The following KCNJ6 variants were observed in gnomAD, a reference collection of about 807,000 sequenced individuals.
The protein encoded by KCNJ6 is G protein-activated inward rectifier potassium channel 2.
A neutral mutation model predicts 34.2 loss-of-function variants in KCNJ6; 9 were observed. The ratio of observed to expected loss-of-function variants is 0.26; its 90% CI spans 0.16 to 0.46. The LOEUF (loss-of-function observed/expected upper bound fraction) is 0.46. Ranked by LOEUF, KCNJ6 falls within the 20% of genes least tolerant of loss-of-function variation. The pLI, the probability that KCNJ6 is intolerant of heterozygous loss-of-function variation, is 1.00. For synonymous variants in KCNJ6, 196 were observed against 207.1 expected (o/e 0.95, Z 0.46); for missense variants, 236 against 531.3 (o/e 0.44, Z 5.46).
intron 1 of KCNJ6, among the ~76,000 whole-genome samples, chr21:37,864,727 A>G (rs1279192925): frequency 6.6e-6 from 1 of 152,192 alleles, no homozygotes; most frequent in Non-Finnish European, 1.5e-5. Flanking sequence ...TAGCAAACTT[A>G]TGCCTTTCCA....
chr21:37,756,927 A>T (rs1448386729), intron 2 of KCNJ6, among the ~76,000 whole-genome samples: 3 of 54,588 alleles, frequency 5.5e-5, no homozygotes, highest in Admixed American at 2.4e-4. Context: ...TGGAGTGAGC[A>T]CTCCCTCACA....
At chr21:37,649,920 ATTTTTTT>A (rs10597774) in intron 3 of KCNJ6, among the ~76,000 whole-genome samples, 1 of 143,916 alleles carries the variant, frequency 6.9e-6, no homozygotes, top group African/African-American at 2.6e-5. Context: ...CACCCAGCTA[ATTTTTTT>A]TTTTTTTTTG....
chr21:37,869,511 C>G (rs528601286), intron 1 of KCNJ6, among the ~76,000 whole-genome samples: 31 of 152,310 alleles, frequency 2.0e-4, no homozygotes, highest in Non-Finnish European at 3.4e-4. Context: ...ACATTTGCCT[C>G]GGGCTTTTAC....
intron 1 of KCNJ6, among the ~76,000 whole-genome samples, chr21:37,913,297 T>C (rs924931735): frequency 2.0e-5 from 3 of 152,206 alleles, no homozygotes; most frequent in African/African-American, 7.2e-5. Context: ...TGCAGTTTCT[T>C]CCTTGTTTGT....
rs2054270426 is a variant in KCNJ6, at chr21:37,616,985, CTCTTTCTTTCTTTCTCTTTCTTTTCTCTT to C, written c.*8145_*8173del. 1 of 146,166 alleles carries C rather than the reference CTCTTTCTTTCTTTCTCTTTCTTTTCTCTT, an allele frequency of 6.8e-6. No individual in the cohort carries two copies. The allele number at this position is 146,166 out of a possible 1,614,324, so 9.1% of individuals were successfully genotyped here. A position where few individuals can be genotyped will look rare whatever the true frequency, so the allele number is the denominator to read the frequency against. On this transcript the variant is annotated 3_prime_UTR_variant, in exon 4 of 4. Coordinates refer to ENST00000609713, the MANE Select transcript of KCNJ6 (RefSeq NM_002240.5). ...GAGGTGGGGATGTGCGATTTCTTTTCTCTTTCTTTCTTTCTCTTTCTTTTCTCTTTCTTTCTTTCTTTCTTTCTTTCTTT... is the reference window on the plus strand; with the variant it reads ...GAGGTGGGGATGTGCGATTTCTTTTCTCTTTCTTTCTTTCTTTCTTTCTTT...
intron 1 of KCNJ6, among the ~76,000 whole-genome samples, chr21:37,885,516 C>T (rs542943204): frequency 1.5e-4 from 23 of 152,340 alleles, no homozygotes; most frequent in African/African-American, 5.3e-4. Context: ...GACCTGAGCA[C>T]TTCAAAGTGA....
rs2054454157 is a variant in KCNJ6 at position 37,655,214 on chromosome 21, TGTGTGTGTGTGAGA to T, written c.947-29744_947-29731del. Among the ~76,000 whole-genome samples, 206 of 72,398 alleles carry T rather than the reference TGTGTGTGTGTGAGA, an allele frequency of 2.8e-3. 3 individuals carry two copies. The highest frequency in any genetic ancestry group is 4.6e-3 in the Non-Finnish European group (152 of 33,164). 47.5% of individuals were successfully genotyped at this position (72,398 alleles called of 152,430 possible). ...GTGTGTGTGTGTGTGTGTGTGTGTG[TGTGTGTGTGTGAGA>T]GAGAGAGAGAGAGAGAGAGAGAGAG... is the stretch of plus-strand genomic sequence containing the variant. On this transcript the variant is annotated intron_variant, in intron 3 of 3. Coordinates refer to ENST00000609713, the MANE Select transcript of KCNJ6 (RefSeq NM_002240.5).
chr21:37,913,761 T>C (rs1485184040), intron 1 of KCNJ6, among the ~76,000 whole-genome samples: 1 of 152,062 alleles, frequency 6.6e-6, no homozygotes, highest in Non-Finnish European at 1.5e-5. Context: ...GAGGTTGCAG[T>C]GAGCCGAGAT....
chr21:37,818,215 T>C (rs948200842), intron 2 of KCNJ6, among the ~76,000 whole-genome samples: 3 of 33,878 alleles, frequency 8.9e-5, no homozygotes, highest in Non-Finnish European at 1.6e-4. Context: ...TGCGTGCGTG[T>C]GTGTGTGTGT....
chr21:37,607,482 A>ATATATATT lies in KCNJ6; in HGVS notation c.*17676_*17677insAATATATA. The ATATATATT allele has an allele frequency of 0.011, 1,507 of 136,682 alleles. 15 individuals carry two copies. The highest frequency in any genetic ancestry group is 0.018 in the East Asian group (79 of 4,380). 8.5% of individuals were successfully genotyped at this position (136,682 alleles called of 1,614,324 possible). Reference sequence around the variant, plus strand: ...CTTAAAGATATATATATATATATATATTTTTTTTTTATTTTAAAAAAATTT... The same window carrying ATATATATT: ...CTTAAAGATATATATATATATATATATATATATTTTTTTTTTTTATTTTAAAAAAATTT... On this transcript the variant is annotated 3_prime_UTR_variant, in exon 4 of 4. Transcript: ENST00000609713.
intron 2 of KCNJ6, among the ~76,000 whole-genome samples, chr21:37,790,251 C>G (rs538987905): frequency 1.2e-3 from 186 of 152,276 alleles, no homozygotes; most frequent in Admixed American, 2.8e-3. Context: ...ATGTTTTCTT[C>G]AGCTTTGGCT....
At chr21:37,817,740 T>A (rs2055353415) in intron 2 of KCNJ6, among the ~76,000 whole-genome samples, 2 of 152,166 alleles carry the variant, frequency 1.3e-5, no homozygotes, top group Non-Finnish European at 2.9e-5. Context: ...TCTGATATGA[T>A]TTGCTGATGC....
intron 1 of KCNJ6, among the ~76,000 whole-genome samples, chr21:37,897,687 C>G (rs1042310080): frequency 1.3e-5 from 2 of 152,196 alleles, no homozygotes; most frequent in Non-Finnish European, 2.9e-5. Flanking sequence ...AGGGCTACCT[C>G]GGATTTCCTG....
intron 2 of KCNJ6, among the ~76,000 whole-genome samples, chr21:37,733,047 C>T (rs76456287): frequency 0.074 from 11,273 of 152,266 alleles, 449 homozygotes; most frequent in African/African-American, 0.094. Context: ...TCCCTCTTGA[C>T]TTCACCTTTA....
intron 2 of KCNJ6, among the ~76,000 whole-genome samples, chr21:37,795,624 A>G (rs973210682): frequency 6.6e-6 from 1 of 151,958 alleles, no homozygotes; most frequent in Non-Finnish European, 1.5e-5. Flanking sequence ...GGGTGCCTGT[A>G]ATCCCAGCTA....
rs2054289979 is a variant in KCNJ6, at chr21:37,621,548, ATG to A, written c.*3609_*3610del. On this transcript the variant is annotated 3_prime_UTR_variant, in exon 4 of 4. Coordinates refer to ENST00000609713, the MANE Select transcript of KCNJ6 (RefSeq NM_002240.5). ...AAAATTTAGACTATTAAATGAAGTC[ATG>A]AATAATTTTTAAATTGGAGTGCAGT... 1 of 152,272 alleles carries A rather than the reference ATG, an allele frequency of 6.6e-6. No homozygotes were observed. Among genetic ancestry groups the A allele is most frequent in the African/African-American group, 2.4e-5 (1 of 41,474 alleles). 9.4% of individuals were successfully genotyped at this position (152,272 alleles called of 1,614,324 possible). A position where few individuals can be genotyped will look rare whatever the true frequency, so the allele number is the denominator to read the frequency against.
At chr21:37,883,558 C>T (rs2123626209) in intron 1 of KCNJ6, among the ~76,000 whole-genome samples, 1 of 152,284 alleles carries the variant, frequency 6.6e-6, no homozygotes, top group Non-Finnish European at 1.5e-5. Context: ...TTTCCAGGTG[C>T]CAGGCGGCGG....
At chr21:37,837,572 G>C (rs2055458063) in intron 2 of KCNJ6, among the ~76,000 whole-genome samples, 1 of 152,172 alleles carries the variant, frequency 6.6e-6, no homozygotes, top group African/African-American at 2.4e-5. Context: ...GATGGGAGAA[G>C]AATCTCTATC....
Position 37,737,551 on chromosome 21 carries a change from C to T in KCNJ6, c.26-22420G>A, listed in dbSNP as rs1238224555. Reference sequence around the variant, plus strand: ...TGCGATATCTTTAGGCAGCTCTGATCATAATTGATCTGCAGTCAAGTCTTC... The same window carrying T: ...TGCGATATCTTTAGGCAGCTCTGATTATAATTGATCTGCAGTCAAGTCTTC... On this transcript the variant is annotated intron_variant, in intron 2 of 3. Coordinates refer to ENST00000609713, the MANE Select transcript of KCNJ6 (RefSeq NM_002240.5). Among the ~76,000 whole-genome samples, 6 of 152,324 alleles carry T rather than the reference C, an allele frequency of 3.9e-5. No individual in the cohort carries two copies. In the East Asian group the frequency reaches 7.7e-4, roughly 20 times the overall value.
Sources: gnomAD v4.1 joint callset for allele counts (sites outside exome capture counted in the v4.1 genomes callset) on GRCh38, gnomAD v4.1.1 for gene constraint, MANE v1.5 for transcripts, NCBI Gene and HGNC (gene_info 2026-07-23, HGNC 2026-07-21) for gene names.